SYBU: variants seen among roughly 807,000 people sequenced by gnomAD.
SYBU encodes the protein syntabulin.
A neutral mutation model predicts 35.9 loss-of-function variants in SYBU; 21 were observed. The observed-to-expected ratio is 0.58, with a 90% CI of 0.41 to 0.84. The LOEUF (loss-of-function observed/expected upper bound fraction) is 0.84, where lower values mean the gene tolerates loss of function less well. Ranked by LOEUF, SYBU falls within the 40% of genes least tolerant of loss-of-function variation. SYBU has a pLI of 0.00. For missense variants in SYBU, 768 were observed against 848.2 expected (o/e 0.91, Z 1.17); for synonymous variants, 319 against 324.3 (o/e 0.98, Z 0.18).
At chr8:109,585,253 T>C (rs1258983838) in intron 4 of SYBU, among the ~76,000 whole-genome samples, 3 of 152,226 alleles carry the variant, frequency 2.0e-5, no homozygotes, top group African/African-American at 7.2e-5. Flanking sequence ...ATGTGCATAG[T>C]GGCTCCCATG....
At chr8:109,681,709 T>A (rs1473949892), upstream of SYBU, among the ~76,000 whole-genome samples, 1 of 152,194 alleles carries the variant, frequency 6.6e-6, no homozygotes, top group Non-Finnish European at 1.5e-5. Flanking sequence ...TATTTACTGA[T>A]ATATACAGGA....
intron 3 of SYBU, among the ~76,000 whole-genome samples, chr8:109,589,459 A>G (rs1220866063): frequency 6.6e-6 from 1 of 152,202 alleles, no homozygotes; most frequent in Non-Finnish European, 1.5e-5. Flanking sequence ...AGGACTGAAC[A>G]GACAGGATGA....
chr8:109,577,461 T>G (rs1822467334), intron 6 of SYBU, among the ~76,000 whole-genome samples: 1 of 152,010 alleles, frequency 6.6e-6, no homozygotes, highest in African/African-American at 2.4e-5. Context: ...CAGATATCCA[T>G]TCATGCACGG....
intron 3 of SYBU, among the ~76,000 whole-genome samples, chr8:109,586,841 T>C (rs1823678113): frequency 6.6e-6 from 1 of 152,240 alleles, no homozygotes; most frequent in African/African-American, 2.4e-5. Flanking sequence ...GTAGGGATGT[T>C]CATTAGTTTG....
chr8:109,682,149 G>T (rs117628076), upstream of SYBU, among the ~76,000 whole-genome samples: 555 of 152,314 alleles, frequency 3.6e-3, 13 homozygotes, highest in East Asian at 0.064. Flanking sequence ...CTGGAGTGGG[G>T]TGCTGCTATG....
At chr8:109,591,535 G>A (rs1261984915) in intron 3 of SYBU, among the ~76,000 whole-genome samples, 7 of 104,828 alleles carry the variant, frequency 6.7e-5, no homozygotes, top group South Asian at 3.0e-4. Flanking sequence ...TTTTTGAGAC[G>A]GAGTCTCGCT....
chr8:109,602,533 A>G (rs1825655450), intron 3 of SYBU, among the ~76,000 whole-genome samples: 1 of 150,124 alleles, frequency 6.7e-6, no homozygotes, highest in Admixed American at 6.7e-5. Flanking sequence ...TCCTGGGCTC[A>G]GGTGATCCTT....
rs1822086763 is a variant in SYBU, at chr8:109,575,193, G to A, written c.1705C>T (p.His569Tyr). The A allele has an allele frequency of 6.2e-7, 1 of 1,614,236 alleles. No individual in the cohort carries two copies. Among genetic ancestry groups the A allele is most frequent in the Non-Finnish European group, 8.5e-7 (1 of 1,180,044 alleles). ...TPYANVDAEV[H>Y]ANRLMRELDF... ...AGCTCTCTCATGAGGCGGTTTGCATGAACTTCTGCATCCACATTGGCGTAG... is the reference window on the plus strand; with the variant it reads ...AGCTCTCTCATGAGGCGGTTTGCATAAACTTCTGCATCCACATTGGCGTAG... The change falls in exon 7 of 7, where the codon CAT (histidine) becomes TAT (tyrosine). Residue 569 changes from histidine (H) to tyrosine (Y), a missense_variant. By Grantham distance (83) the His-to-Tyr change is moderately conservative. Transcript: ENST00000276646.
intron 6 of SYBU, 53 bp from the exon 7 acceptor site, chr8:109,576,066 A>C (rs1357403851): frequency 2.8e-6 from 4 of 1,426,986 alleles, no homozygotes; most frequent in South Asian, 1.4e-5. Flanking sequence ...AAAAAAAAAA[A>C]AAAACTTTCA....
intron 1 of SYBU, among the ~76,000 whole-genome samples, chr8:109,668,144 A>G (rs1586980029): frequency 9.4e-6 from 1 of 106,096 alleles, no homozygotes; most frequent in African/African-American, 3.7e-5. Context: ...GGGAAGGAAG[A>G]AGAGGCAGAG....
intron 1 of SYBU, among the ~76,000 whole-genome samples, chr8:109,651,802 C>T (rs1003130777): frequency 6.6e-6 from 1 of 152,122 alleles, no homozygotes; most frequent in African/African-American, 2.4e-5. Context: ...GCTTGTTTCA[C>T]ATTCACCTCA....
At chr8:109,601,269 C>A (rs1159903808) in intron 3 of SYBU, among the ~76,000 whole-genome samples, 1 of 152,110 alleles carries the variant, frequency 6.6e-6, no homozygotes, top group African/African-American at 2.4e-5. Context: ...AGACTCACCC[C>A]AAATCACAGA....
chr8:109,577,630 GACA>G (rs1400110407), intron 6 of SYBU, among the ~76,000 whole-genome samples: 2 of 151,948 alleles, frequency 1.3e-5, no homozygotes, highest in Admixed American at 6.6e-5. Context: ...AACAAAAAAC[GACA>G]ACAACAACGA....
At chr8:109,671,352 TATACACACATGGGGC>T (rs1816974356) in intron 1 of SYBU, among the ~76,000 whole-genome samples, 1 of 152,082 alleles carries the variant, frequency 6.6e-6, no homozygotes, top group East Asian at 1.9e-4. Context: ...ATAGAAGGAG[TATACACACATGGGGC>T]ATTTTCTCAG....
upstream of SYBU, chr8:109,648,566 A>G (rs1815952832): frequency 6.6e-6 from 1 of 152,050 alleles, no homozygotes; most frequent in African/African-American, 2.4e-5. Flanking sequence ...ATTAATAGGA[A>G]TCCCCTAGAC....
intron 1 of SYBU, among the ~76,000 whole-genome samples, chr8:109,652,352 TCTC>T (rs1451513704): frequency 7.5e-6 from 1 of 134,032 alleles, no homozygotes; most frequent in African/African-American, 3.3e-5. Flanking sequence ...TCTTCCTTTT[TCTC>T]CTCCTCCTCC....
intron 5 of SYBU, among the ~76,000 whole-genome samples, chr8:109,579,294 T>G (rs192850254): frequency 3.9e-5 from 6 of 152,300 alleles, no homozygotes; most frequent in Admixed American, 3.9e-4. Flanking sequence ...TTGCTTGCTC[T>G]TCAGACCTCA....
chr8:109,644,720 C>A lies in SYBU; in HGVS notation c.-61G>T. On this transcript the variant is annotated 5_prime_UTR_variant, in exon 1 of 7. Coordinates refer to ENST00000276646, the MANE Select transcript of SYBU (RefSeq NM_001099754.2). ...GCCGCCGTCCAGGAGGAGGCACCTG[C>A]GAGCACGGAGCGAGGAGACTGCGCT... 15 of 1,454,404 alleles carry A rather than the reference C, an allele frequency of 1.0e-5. No homozygotes were observed. In the South Asian group the frequency reaches 1.3e-4, roughly 12 times the overall value. 90.1% of individuals were successfully genotyped at this position (1,454,404 alleles called of 1,614,324 possible).
intron 1 of SYBU, among the ~76,000 whole-genome samples, chr8:109,653,128 A>G (rs1035803712): frequency 2.0e-5 from 3 of 152,146 alleles, no homozygotes; most frequent in African/African-American, 7.2e-5. Flanking sequence ...TCTCTCTAAA[A>G]CAATAATGAT....
Sources: allele counts gnomAD v4.1 joint callset (sites outside exome capture counted in the v4.1 genomes callset), GRCh38; gene constraint gnomAD v4.1.1; transcripts MANE v1.5; gene names NCBI Gene and HGNC (gene_info 2026-07-23, HGNC 2026-07-21).